Variants in ADGRB3 observed in about 807,000 individuals in gnomAD.
The protein encoded by ADGRB3 is brain-specific angiogenesis inhibitor 3.
In ADGRB3, 37 loss-of-function variants were observed where a neutral mutation model predicts 193.4. The ratio of observed to expected loss-of-function variants is 0.19; its 90% CI spans 0.15 to 0.25. ADGRB3 has a LOEUF of 0.25. Ranked by LOEUF, ADGRB3 falls within the 10% of genes least tolerant of loss-of-function variation. The pLI, the probability that ADGRB3 is intolerant of heterozygous loss-of-function variation, is 1.00. For synonymous variants in ADGRB3, 690 were observed against 644.2 expected (o/e 1.07, Z -1.08); for missense variants, 1,637 against 1,852.9 (o/e 0.88, Z 2.14).
At chr6:68,883,147 C>G (rs998257030) in intron 3 of ADGRB3, among the ~76,000 whole-genome samples, 7 of 152,172 alleles carry the variant, frequency 4.6e-5, no homozygotes, top group South Asian at 2.1e-4. Context: ...CAATCAGCAC[C>G]CTGTCTATCT....
At chr6:69,288,152 C>G (rs1767591358) in intron 20 of ADGRB3, among the ~76,000 whole-genome samples, 1 of 152,044 alleles carries the variant, frequency 6.6e-6, no homozygotes, top group Non-Finnish European at 1.5e-5. Context: ...TACCCATCAA[C>G]CTGTCATCTA....
chr6:69,161,392 T>C (rs9294824), intron 17 of ADGRB3, among the ~76,000 whole-genome samples: 75,163 of 151,702 alleles, frequency 0.5, 20,366 homozygotes, highest in East Asian at 0.86. Context: ...GAAAGGACCT[T>C]ATAGGCTTAG....
intron 17 of ADGRB3, among the ~76,000 whole-genome samples, chr6:69,083,193 G>A (rs978960998): frequency 6.6e-6 from 1 of 152,180 alleles, no homozygotes; most frequent in African/African-American, 2.4e-5. Flanking sequence ...CTCACAGCAT[G>A]CCTGTAGAGA....
chr6:69,111,709 A>G (rs1773371250), intron 17 of ADGRB3, among the ~76,000 whole-genome samples: 1 of 152,220 alleles, frequency 6.6e-6, no homozygotes, highest in African/African-American at 2.4e-5. Flanking sequence ...ATATGAAACC[A>G]AGATAATTTT....
intron 17 of ADGRB3, among the ~76,000 whole-genome samples, chr6:69,121,970 C>T (rs551869872): frequency 0.013 from 820 of 63,824 alleles, 9 homozygotes; most frequent in African/African-American, 0.033. Context: ...ACATCCCAGA[C>T]GATGGGCGGC....
chr6:69,186,951 T>G (rs111711661), intron 17 of ADGRB3, among the ~76,000 whole-genome samples: 150 of 151,568 alleles, frequency 9.9e-4, no homozygotes, highest in African/African-American at 2.9e-3. Context: ...TTTGTTTTTT[T>G]TTTTTGACAA....
intron 17 of ADGRB3, among the ~76,000 whole-genome samples, chr6:69,183,674 T>C (rs1020333322): frequency 6.6e-6 from 1 of 151,992 alleles, no homozygotes; most frequent in Non-Finnish European, 1.5e-5. Context: ...ATGTAAAAAA[T>C]AAAAGTAAAT....
At chr6:69,136,516 T>G (rs1474242055) in intron 17 of ADGRB3, among the ~76,000 whole-genome samples, 1 of 152,136 alleles carries the variant, frequency 6.6e-6, no homozygotes, top group Admixed American at 6.5e-5. Flanking sequence ...TTCTTTTATT[T>G]AATATTAAAT....
chr6:69,084,933 C>T (rs145934624), intron 17 of ADGRB3, among the ~76,000 whole-genome samples: 209 of 152,162 alleles, frequency 1.4e-3, no homozygotes, highest in Middle Eastern at 6.8e-3. Context: ...GTTTGGTATG[C>T]ATGAGTGGCT....
intron 3 of ADGRB3, among the ~76,000 whole-genome samples, chr6:68,755,332 G>C (rs1029190084): frequency 6.6e-6 from 1 of 152,168 alleles, no homozygotes; most frequent in Non-Finnish European, 1.5e-5. Flanking sequence ...GAGGAGGTTG[G>C]AGGGGAGGTC....
intron 17 of ADGRB3, among the ~76,000 whole-genome samples, chr6:69,150,080 G>A (rs1048341331): frequency 5.3e-5 from 8 of 152,046 alleles, no homozygotes; most frequent in African/African-American, 7.2e-5. Context: ...GCACTGTCTT[G>A]CCAAATGCTC....
intron 3 of ADGRB3, among the ~76,000 whole-genome samples, chr6:68,893,514 C>T (rs1219493439): frequency 6.6e-6 from 1 of 150,696 alleles, no homozygotes; most frequent in Non-Finnish European, 1.5e-5. Flanking sequence ...AAGCCTGTCT[C>T]CAGGACAACC....
intron 3 of ADGRB3, among the ~76,000 whole-genome samples, chr6:68,677,853 G>A (rs527563615): frequency 1.3e-4 from 20 of 152,072 alleles, no homozygotes; most frequent in Middle Eastern, 3.4e-3. Context: ...GTGATCTACC[G>A]GCAAAAGTGA....
chr6:68,900,099 A>C (rs1205466755), intron 3 of ADGRB3, among the ~76,000 whole-genome samples: 1 of 152,156 alleles, frequency 6.6e-6, no homozygotes, highest in Non-Finnish European at 1.5e-5. Flanking sequence ...AAATGTATTG[A>C]CTATGTGTAT....
At chr6:69,177,168 G>A (rs1206085291) in intron 17 of ADGRB3, among the ~76,000 whole-genome samples, 2 of 151,904 alleles carry the variant, frequency 1.3e-5, no homozygotes, top group African/African-American at 4.8e-5. Flanking sequence ...TCTAGGTTTG[G>A]GGTTAGTTTT....
chr6:69,232,539 T>C (rs1766166191), intron 17 of ADGRB3: 1 of 1,535,588 alleles, frequency 6.5e-7, no homozygotes, highest in African/African-American at 1.4e-5. Context: ...TTAATGCTTC[T>C]GCCCCAGGGC....
chr6:68,892,919 A>G (rs961504362), intron 3 of ADGRB3, among the ~76,000 whole-genome samples: 17 of 152,198 alleles, frequency 1.1e-4, no homozygotes, highest in African/African-American at 3.6e-4. Context: ...ATAAAGCCTC[A>G]AGTAGAGTCC....
At chr6:69,034,993 G>T (rs1202665995) in intron 13 of ADGRB3, among the ~76,000 whole-genome samples, 1 of 151,922 alleles carries the variant, frequency 6.6e-6, no homozygotes, top group African/African-American at 2.4e-5. Context: ...ATAGTCTATT[G>T]CTTCATATGG....
intron 23 of ADGRB3, chr6:69,331,979 G>A (rs1561990014): frequency 1.4e-5 from 14 of 985,092 alleles, no homozygotes; most frequent in Non-Finnish European, 1.7e-5. Context: ...TCTTCCTTAC[G>A]TTAGCAACTG....
Sources: allele counts gnomAD v4.1 joint callset (sites outside exome capture counted in the v4.1 genomes callset), GRCh38; gene constraint gnomAD v4.1.1; transcripts MANE v1.5; gene names NCBI Gene and HGNC (gene_info 2026-07-23, HGNC 2026-07-21).